BRD4: variants seen among roughly 807,000 people sequenced by gnomAD.
BRD4 encodes bromodomain containing 4, also known as bromodomain-containing protein 4.
In BRD4, 16 loss-of-function variants were observed where a neutral mutation model predicts 142.1. The ratio of observed to expected loss-of-function variants is 0.11; its 90% CI spans 0.08 to 0.17. The LOEUF (loss-of-function observed/expected upper bound fraction) is 0.17. Among genes scored for constraint, BRD4 ranks in the 10% least tolerant of loss-of-function variants. The probability of loss-of-function intolerance (pLI) is 1.00; values close to 1 mark genes in which losing one functional copy is unlikely to be tolerated. For synonymous variants in BRD4, 833 were observed against 707.5 expected (o/e 1.18, Z -2.82); for missense variants, 1,424 against 1,810.9 (o/e 0.79, Z 3.88).
At position 15,239,964 on chromosome 19, in the gene BRD4, G is replaced by T. The variant is rs1299178841; in HGVS notation, c.3228C>A (p.Phe1076Leu). The T allele has an allele frequency of 6.2e-7, 1 of 1,613,870 alleles. No homozygotes were observed. Among genetic ancestry groups the T allele is most frequent in the Non-Finnish European group, 8.5e-7 (1 of 1,180,024 alleles). ...GTGGAGACTGGTGGGTCAGGCTCTG[G>T]AACTGTGACATCTGGGGGGAATGTA... ...LMIHSPQMSQ[F>L]QSLTHQSPPQ... The change falls in exon 15 of 20, where the codon TTC (phenylalanine) becomes TTA (leucine). Residue 1076 changes from phenylalanine to leucine, a missense_variant. Physicochemically the swap from Phe to Leu is conservative, Grantham distance 22 (BLOSUM62 0). This residue lies in a region of BRD4 where 598 missense variants were observed against 647.8 expected (regional missense o/e 0.92). Coordinates refer to ENST00000679869, the MANE Select transcript of BRD4 (RefSeq NM_001379291.1). This position sits in a 1 kb window ranked among gnomAD's most constrained non-coding sequence, Gnocchi z 7.4.
At chr19:15,325,531 G>T (rs1329172152) in intron 1 of BRD4, among the ~76,000 whole-genome samples, 1 of 152,058 alleles carries the variant, frequency 6.6e-6, no homozygotes, top group Non-Finnish European at 1.5e-5. Context: ...CATTAAAAAA[G>T]ACACATTTTG....
intron 7 of BRD4, 82 bp from the exon 8 acceptor site, chr19:15,257,255 G>C: frequency 7.5e-7 from 1 of 1,341,954 alleles, no homozygotes; most frequent in Admixed American, 2.4e-5. Flanking sequence ...TGGCTGCTGG[G>C]GCCAACTCAA....
Position 15,237,967 on chromosome 19 carries a change from G to A in BRD4, c.*410C>T. ...GGCTGGGGTGTGGGGAAAGACTCCC[G>A]GCGGGCAGGACATCACGAACGTCAC... is the stretch of plus-strand genomic sequence containing the variant. On this transcript the variant is annotated 3_prime_UTR_variant, in exon 20 of 20. Coordinates refer to ENST00000679869, the MANE Select transcript of BRD4 (RefSeq NM_001379291.1). 1.2e-5 allele frequency: 3 copies of A among 242,040 alleles called. No homozygotes were observed. The highest frequency in any genetic ancestry group is 1.5e-4 in the South Asian group (1 of 6,550). 15.0% of individuals were successfully genotyped at this position (242,040 alleles called of 1,614,324 possible). A position where few individuals can be genotyped will look rare whatever the true frequency, so the allele number is the denominator to read the frequency against.
At chr19:15,298,512 T>C (rs1398669355) in intron 1 of BRD4, among the ~76,000 whole-genome samples, 1 of 150,980 alleles carries the variant, frequency 6.6e-6, no homozygotes, top group African/African-American at 2.4e-5. Flanking sequence ...TCCCAGCTAT[T>C]CAGGAGGCTG....
chr19:15,282,083 C>T (rs1197873868), intron 1 of BRD4, among the ~76,000 whole-genome samples: 1 of 152,152 alleles, frequency 6.6e-6, no homozygotes, highest in Non-Finnish European at 1.5e-5. Flanking sequence ...CAGGGGCAGG[C>T]TAGGCTAACT....
chr19:15,285,488 C>A (rs1321823648), intron 1 of BRD4, among the ~76,000 whole-genome samples: 1 of 152,052 alleles, frequency 6.6e-6, no homozygotes, highest in African/African-American at 2.4e-5. Flanking sequence ...TCGCTTGAGC[C>A]TGGGAGACAG....
chr19:15,315,159 T>G (rs562171696), intron 1 of BRD4, among the ~76,000 whole-genome samples: 1 of 152,048 alleles, frequency 6.6e-6, no homozygotes, highest in African/African-American at 2.4e-5. Context: ...TTTGTTTTTT[T>G]TTTCCCCCCA....
At chr19:15,329,080 CTT>C (rs999954374) in intron 1 of BRD4, among the ~76,000 whole-genome samples, 11 of 143,804 alleles carry the variant, frequency 7.6e-5, no homozygotes, top group East Asian at 2.0e-4. Context: ...GCGCATTCTG[CTT>C]TTTTTTTTTT....
chr19:15,325,167 T>C (rs1323958798), intron 1 of BRD4, among the ~76,000 whole-genome samples: 3 of 152,236 alleles, frequency 2.0e-5, no homozygotes, highest in Admixed American at 1.3e-4. Flanking sequence ...TCTAAGGCAC[T>C]GTCTCATTTT....
chr19:15,317,994 A>T (rs1193888982), intron 1 of BRD4, among the ~76,000 whole-genome samples: 1 of 152,268 alleles, frequency 6.6e-6, no homozygotes, highest in Non-Finnish European at 1.5e-5. Context: ...GCAGCTTTTT[A>T]TAACTGAAAG....
At position 15,239,258 on chromosome 19, in the gene BRD4, T is replaced by G; in HGVS notation, c.3583A>C (p.Lys1195Gln). ...KTPVAPKKDL[K>Q]IKNMGSWASL... Reference sequence around the variant, plus strand: ...GCCCAGGAGCCCATGTTCTTGATTTTCAGGTCCTGCAGAACAGAGAGGTTG... The same window carrying G: ...GCCCAGGAGCCCATGTTCTTGATTTGCAGGTCCTGCAGAACAGAGAGGTTG... Residue 1195 changes from lysine to glutamine, a missense_variant, in exon 18 of 20, where the codon AAA (lysine) becomes CAA (glutamine). Coordinates refer to ENST00000679869, the MANE Select transcript of BRD4 (RefSeq NM_001379291.1). This position sits in a 1 kb window ranked among gnomAD's most constrained non-coding sequence, Gnocchi z 7.4. 1.2e-6 allele frequency: 2 copies of G among 1,613,262 alleles called. No individual in the cohort carries two copies. The highest frequency in any genetic ancestry group is 1.7e-6 in the Non-Finnish European group (2 of 1,179,706).
chr19:15,265,983 A>C (rs1274673536), intron 4 of BRD4, among the ~76,000 whole-genome samples: 2 of 152,216 alleles, frequency 1.3e-5, no homozygotes, highest in Admixed American at 1.3e-4. Flanking sequence ...CAGAGCTTCC[A>C]GGCACAGCTG....
At chr19:15,330,647 G>A (rs1269639381) in intron 1 of BRD4, among the ~76,000 whole-genome samples, 3 of 151,978 alleles carry the variant, frequency 2.0e-5, no homozygotes, top group Non-Finnish European at 4.4e-5. Context: ...GGCGCCTGTA[G>A]TCCCAGCTAC....
At chr19:15,280,530 T>C (rs952648907) in intron 1 of BRD4, 2 of 814,226 alleles carry the variant, frequency 2.5e-6, no homozygotes, top group African/African-American at 1.9e-5. Flanking sequence ...ATATATCCCG[T>C]GTCATAGGTG....
intron 1 of BRD4, among the ~76,000 whole-genome samples, chr19:15,326,574 G>C (rs375890528): frequency 6.6e-6 from 1 of 152,156 alleles, no homozygotes; most frequent in East Asian, 1.9e-4. Context: ...TGGAAGGAAA[G>C]AAAATGGGAT....
At chr19:15,253,384 C>T (rs2047368583) in intron 11 of BRD4, 8 of 631,316 alleles carry the variant, frequency 1.3e-5, no homozygotes, top group Non-Finnish European at 2.2e-5. Flanking sequence ...CCACCTGGCA[C>T]CCAGCATCAC....
chr19:15,311,463 C>T (rs1416061200), intron 1 of BRD4, among the ~76,000 whole-genome samples: 7 of 151,930 alleles, frequency 4.6e-5, no homozygotes, highest in Admixed American at 1.3e-4. Flanking sequence ...GGTTATTATG[C>T]TTAGTGAAGT....
chr19:15,257,033 C>A lies in BRD4; in HGVS notation c.1482G>T (p.Ser494=), dbSNP rs747045733. Residue 494 remains serine, a synonymous_variant, in exon 8 of 20, where the codon TCG becomes TCT. Coordinates refer to ENST00000679869, the MANE Select transcript of BRD4 (RefSeq NM_001379291.1). ...AGTCATCAGTCGAACTGTCACTGTC[C>A]GAGGAGCTATCGCTGCTGCTGTCGC... ...SSSDSSSDSS[S]DSDSSTDDSE... is the part of the protein sequence containing the mutation. 4 of 1,596,600 alleles carry A rather than the reference C, an allele frequency of 2.5e-6. No homozygotes were observed. Among genetic ancestry groups the A allele is most frequent in the East Asian group, 2.3e-5 (1 of 44,252 alleles).
Position 15,272,963 on chromosome 19 carries a change from G to C in BRD4, c.137C>G (p.Pro46Arg). 1 of 1,614,192 alleles carries C rather than the reference G, an allele frequency of 6.2e-7. No homozygotes were observed. Among genetic ancestry groups the C allele is most frequent in the South Asian group, 1.1e-5 (1 of 91,084 alleles). Reference protein sequence around the residue: ...QPANAASTNPPPPETSNPNKP... With the variant: ...QPANAASTNPRPPETSNPNKP... Reference sequence around the variant, plus strand: ...GTTAGGGTTGGAGGTCTCTGGGGGCGGGGGGTTGGTGCTGGCTGCGTTGGC... The same window carrying C: ...GTTAGGGTTGGAGGTCTCTGGGGGCCGGGGGTTGGTGCTGGCTGCGTTGGC... Residue 46 changes from proline to arginine, a missense_variant, in exon 2 of 20, where the codon CCG becomes CGG. Pro to Arg is a moderately radical substitution (Grantham distance 103). This residue lies in a region of BRD4 where 70 missense variants were observed against 69.8 expected (regional missense o/e 1.00). Transcript: ENST00000679869.
Sources: gnomAD v4.1 joint callset for allele counts (sites outside exome capture counted in the v4.1 genomes callset) on GRCh38, gnomAD v4.1.1 for gene constraint, gnomAD v4.1.1 regional missense constraint, Gnocchi (gnomAD v3.1) non-coding constraint, MANE v1.5 for transcripts, NCBI Gene and HGNC (gene_info 2026-07-23, HGNC 2026-07-21) for gene names.